The following HMGA2 variants were observed in gnomAD, a reference collection of about 807,000 sequenced individuals.
HMGA2 encodes high mobility group protein HMGI-C.
Under a neutral mutation model 19.1 loss-of-function variants are expected in HMGA2, and 8 were observed. The observed-to-expected ratio is 0.42, with a 90% CI of 0.25 to 0.76. The LOEUF (loss-of-function observed/expected upper bound fraction) is 0.76, where lower values mean the gene tolerates loss of function less well. Among genes scored for constraint, HMGA2 ranks in the 30% least tolerant of loss-of-function variants. HMGA2 has a pLI of 0.28. For missense variants in HMGA2, 109 were observed against 136.3 expected (o/e 0.80, Z 1.00); for synonymous variants, 60 against 48.8 (o/e 1.23, Z -0.96).
intron 3 of HMGA2, among the ~76,000 whole-genome samples, chr12:65,875,630 T>TTTTTTTTTTTTTA (rs1872972225): frequency 8.4e-6 from 1 of 119,102 alleles, no homozygotes; most frequent in Non-Finnish European, 1.7e-5. Flanking sequence ...TTTTTTTTTT[T>TTTTTTTTTTTTTA]AGTAAAGACA....
At chr12:65,852,620 C>G (rs185452683) in intron 3 of HMGA2, among the ~76,000 whole-genome samples, 227 of 152,226 alleles carry the variant, frequency 1.5e-3, no homozygotes, top group Non-Finnish European at 2.7e-3. Flanking sequence ...TTTCCCTTGT[C>G]TTATCTAATG....
chr12:65,866,938 G>C, intron 3 of HMGA2: 1 of 456,944 alleles, frequency 2.2e-6, no homozygotes, highest in Middle Eastern at 3.3e-4. Context: ...AGGAACATGT[G>C]CCTTCCCATC....
chr12:65,875,823 G>C (rs1175558880), intron 3 of HMGA2, among the ~76,000 whole-genome samples: 8 of 151,526 alleles, frequency 5.3e-5, no homozygotes, highest in African/African-American at 1.5e-4. Flanking sequence ...TACCAACTTG[G>C]TGGATGTTTT....
intron 3 of HMGA2, among the ~76,000 whole-genome samples, chr12:65,844,690 C>A (rs1871160252): frequency 1.3e-5 from 2 of 152,278 alleles, no homozygotes; most frequent in South Asian, 2.1e-4. Context: ...CTTGGTCAGC[C>A]AGTTCATCCA....
chr12:65,950,693 A>G (rs1450262248), intron 3 of HMGA2, among the ~76,000 whole-genome samples: 1 of 152,200 alleles, frequency 6.6e-6, no homozygotes, highest in Non-Finnish European at 1.5e-5. Context: ...AAATGAGTGA[A>G]TTATGTGGTA....
At chr12:65,844,869 AG>A (rs2120902946) in intron 3 of HMGA2, among the ~76,000 whole-genome samples, 1 of 152,342 alleles carries the variant, frequency 6.6e-6, no homozygotes, top group East Asian at 1.9e-4. Context: ...TCTAGACAGG[AG>A]GTAGTTCATA....
intron 3 of HMGA2, among the ~76,000 whole-genome samples, chr12:65,891,067 T>C (rs1466115011): frequency 6.6e-6 from 1 of 152,206 alleles, no homozygotes; most frequent in Non-Finnish European, 1.5e-5. Flanking sequence ...GAATTGAGCC[T>C]TCCATTTCTT....
rs1263657033 is a variant in HMGA2 at position 65,933,597 on chromosome 12, A to T, written c.250-17786A>T. Among the ~76,000 whole-genome samples, 3 of 152,332 alleles carry T rather than the reference A, an allele frequency of 2.0e-5. No homozygotes were observed. In the East Asian group the frequency reaches 5.8e-4, roughly 29 times the overall value. On this transcript the variant is annotated intron_variant, in intron 3 of 4. Coordinates refer to ENST00000403681, the MANE Select transcript of HMGA2 (RefSeq NM_003483.6). ...ATGCTAAAGGATAAAAAGATTATTT[A>T]AAAAATTTACCAAACTATACCTTGC...
At chr12:65,869,464 G>A (rs1034068841) in intron 3 of HMGA2, among the ~76,000 whole-genome samples, 5 of 152,172 alleles carry the variant, frequency 3.3e-5, no homozygotes, top group African/African-American at 1.2e-4. Context: ...AGTTAGCAGG[G>A]AAAAGTCAAA....
intron 2 of HMGA2, among the ~76,000 whole-genome samples, chr12:65,837,865 A>G (rs1488776753): frequency 6.6e-6 from 1 of 152,164 alleles, no homozygotes; most frequent in Non-Finnish European, 1.5e-5. Context: ...AATCACTGGG[A>G]CAAACTGATG....
intron 3 of HMGA2, among the ~76,000 whole-genome samples, chr12:65,876,052 T>A (rs1050083983): frequency 6.6e-6 from 1 of 152,170 alleles, no homozygotes; most frequent in Non-Finnish European, 1.5e-5. Context: ...TCTTTGTTGA[T>A]GTCTTCAGTT....
intron 2 of HMGA2, among the ~76,000 whole-genome samples, chr12:65,832,911 GAGA>G (rs1870539931): frequency 6.6e-6 from 1 of 151,944 alleles, no homozygotes; most frequent in Non-Finnish European, 1.5e-5. Context: ...AAGAAGTAGA[GAGA>G]AGATTTGGAG....
intron 4 of HMGA2, chr12:65,953,181 T>C: frequency 6.6e-6 from 1 of 152,176 alleles, no homozygotes; most frequent in East Asian, 1.9e-4. Flanking sequence ...AGATCCATCA[T>C]ATTTTTTATG....
At chr12:65,853,379 C>T (rs1451219760) in intron 3 of HMGA2, among the ~76,000 whole-genome samples, 1 of 152,110 alleles carries the variant, frequency 6.6e-6, no homozygotes. Context: ...CATATTTGTA[C>T]TGTATTAATC....
intron 3 of HMGA2, among the ~76,000 whole-genome samples, chr12:65,932,658 G>T (rs973621706): frequency 2.6e-5 from 4 of 152,208 alleles, no homozygotes; most frequent in Admixed American, 2.0e-4. Flanking sequence ...TAAATAGTGT[G>T]GAATGTATTT....
intron 3 of HMGA2, chr12:65,856,707 A>C (rs1871762229): frequency 6.6e-6 from 1 of 152,456 alleles, no homozygotes; most frequent in Non-Finnish European, 1.5e-5. Flanking sequence ...TGAAGGCTCT[A>C]GGGAAGAATC....
intron 4 of HMGA2, among the ~76,000 whole-genome samples, chr12:65,960,448 C>T (rs1269492291): frequency 6.6e-6 from 1 of 152,188 alleles, no homozygotes; most frequent in Non-Finnish European, 1.5e-5. Flanking sequence ...TGAATGCACA[C>T]TTGTCGTACA....
At chr12:65,844,188 C>T (rs1475539145) in intron 3 of HMGA2, among the ~76,000 whole-genome samples, 1 of 152,048 alleles carries the variant, frequency 6.6e-6, no homozygotes, top group Non-Finnish European at 1.5e-5. Context: ...CAAAAACTGT[C>T]TGCTAATGGA....
intron 3 of HMGA2, among the ~76,000 whole-genome samples, chr12:65,875,130 A>C (rs768270070): frequency 5.3e-5 from 8 of 152,194 alleles, no homozygotes; most frequent in Non-Finnish European, 1.0e-4. Context: ...AATACAAGTA[A>C]TTGTCCCAAA....
Sources: allele counts gnomAD v4.1 joint callset (sites outside exome capture counted in the v4.1 genomes callset), GRCh38; gene constraint gnomAD v4.1.1; transcripts MANE v1.5; gene names NCBI Gene and HGNC (gene_info 2026-07-23, HGNC 2026-07-21).